Variants in PARP2 observed in about 807,000 individuals in gnomAD.
The protein encoded by PARP2 is poly(ADP-ribose) polymerase 2.
Under a neutral mutation model 77.8 loss-of-function variants are expected in PARP2, and 57 were observed. The ratio of observed to expected loss-of-function variants is 0.73; its 90% CI spans 0.59 to 0.91. PARP2 has a LOEUF of 0.91. Among genes scored for constraint, PARP2 ranks in the 40% least tolerant of loss-of-function variants. The pLI is 0.00. For missense variants in PARP2, 651 were observed against 689.0 expected, an observed-to-expected ratio of 0.94 and a Z score of 0.62; for synonymous variants, 226 against 242.6, an observed-to-expected ratio of 0.93 and a Z score of 0.64.
chr14:20,350,626 A>G lies in PARP2; in HGVS notation c.421+4A>G, dbSNP rs1365736616. The G allele has an allele frequency of 2.5e-6, 4 of 1,569,226 alleles. No individual in the cohort carries two copies. Among genetic ancestry groups the G allele is most frequent in the Non-Finnish European group, 2.6e-6 (3 of 1,139,490 alleles). On this transcript the variant is annotated splice_donor_region_variant and intron_variant, in intron 5 of 15. Coordinates refer to ENST00000429687, the MANE Select transcript of PARP2 (RefSeq NM_001042618.2). ...GTTTGGATGAGATGGGGCCGAGGTA[A>G]TGATTTTTATTGAGATTTTATGAGT...
chr14:20,355,997 T>C lies in PARP2; in HGVS notation c.1067T>C (p.Leu356Ser). The C allele has an allele frequency of 6.2e-7, 1 of 1,614,076 alleles. No individual in the cohort carries two copies. Among genetic ancestry groups the C allele is most frequent in the East Asian group, 2.2e-5 (1 of 44,888 alleles). ...CACTATAGAAACCTACATTGTGCCT[T>C]GCGCCCCCTTGACCATGAAAGTTAT... The part of the protein sequence containing the change: ...DQHYRNLHCA[L>S]RPLDHESYEF... Residue 356 changes from leucine to serine, a missense_variant, in exon 11 of 16, where the codon TTG (leucine) becomes TCG (serine). By Grantham distance (145) the Leu-to-Ser change is moderately radical (BLOSUM62 -2). Transcript: ENST00000429687.
intron 9 of PARP2, chr14:20,355,481 A>C (rs1299953186): frequency 3.8e-6 from 1 of 263,842 alleles, no homozygotes; most frequent in Non-Finnish European, 7.1e-6. Flanking sequence ...TATCAATATA[A>C]CTTATTTTTA....
chr14:20,345,571 C>A lies in PARP2; in HGVS notation c.273+107C>A. The A allele has an allele frequency of 5.2e-6, 4 of 764,302 alleles. No individual in the cohort carries two copies. The South Asian group carries it at 6.7e-5, about 13-fold the overall frequency. 47.3% of individuals were successfully genotyped at this position (764,302 alleles called of 1,614,324 possible). A position where few individuals can be genotyped will look rare whatever the true frequency, so the allele number is the denominator to read the frequency against. On this transcript the variant is annotated intron_variant, in intron 3 of 15. Transcript: ENST00000429687. ...TGTTAGTACTCATTTTAGGAATCCT[C>A]TCCAAAATATGATGAGTGAGTAGTT... is the stretch of plus-strand genomic sequence containing the variant.
In PARP2 at chr14:20,353,980, T is replaced by C. The variant is rs185867727; in HGVS notation, c.601-105T>C. 240 of 880,332 alleles carry C rather than the reference T, an allele frequency of 2.7e-4. 1 individual carries two copies. The African/African-American group carries it at 3.9e-3, about 14-fold the overall frequency. The allele number at this position is 880,332 out of a possible 1,614,324, so 54.5% of individuals were successfully genotyped here. On this transcript the variant is annotated intron_variant, in intron 7 of 15. Coordinates refer to ENST00000429687, the MANE Select transcript of PARP2 (RefSeq NM_001042618.2). ...TCTCATTATTCCCTAGACAGTGCAA[T>C]ATAAAAACTTTACAAAGCATTTACA...
intron 7 of PARP2, 139 bp from the exon 8 acceptor site, chr14:20,353,946 T>C: frequency 1.5e-6 from 1 of 666,296 alleles, no homozygotes; most frequent in Non-Finnish European, 2.5e-6. Context: ...CAGCCTTTTT[T>C]TCCTTGCTTC....
chr14:20,345,135 G>A, intron 2 of PARP2, 48 bp downstream of exon 2: 1 of 1,591,132 alleles, frequency 6.3e-7, no homozygotes, highest in South Asian at 1.1e-5. Context: ...TGGTAGGAGT[G>A]GATCTGGGGA....
intron 8 of PARP2, 187 bp from the exon 9 acceptor site, chr14:20,354,622 G>A (rs1457773928): frequency 5.1e-6 from 3 of 590,128 alleles, no homozygotes; most frequent in Non-Finnish European, 8.8e-6. Flanking sequence ...CCGGAGCCCA[G>A]GAGGTTGAAC....
At chr14:20,347,354 G>GTTTATATATATATATATA (rs1883771350) in intron 4 of PARP2, among the ~76,000 whole-genome samples, 4 of 43,956 alleles carry the variant, frequency 9.1e-5, no homozygotes, top group African/African-American at 1.8e-4. Flanking sequence ...ATATGTGTGT[G>GTTTATATATATATATATA]TGTATATATA....
rs1189741161 is a variant in PARP2 at position 20,357,108 on chromosome 14, G to C, written c.1387G>C (p.Ala463Pro). 6.2e-7 allele frequency: 1 copy of C among 1,613,230 alleles called. No homozygotes were observed. The highest frequency in any genetic ancestry group is 8.5e-7 in the Non-Finnish European group (1 of 1,179,204). ...TTCCAAGAGTGCCAATTACTGCTTT[G>C]CCTCTCGCCTAAAGAATACAGGACT... The part of the protein sequence containing the change: ...MSSKSANYCF[A>P]SRLKNTGLLL... Residue 463 changes from alanine (A) to proline (P), a missense_variant, in exon 14 of 16, where the codon GCC (alanine) becomes CCC (proline). Physicochemically the swap from Ala to Pro is conservative, Grantham distance 27. Transcript: ENST00000429687.
intron 2 of PARP2, 122 bp from the exon 3 acceptor site, chr14:20,345,272 A>C: frequency 1.9e-6 from 2 of 1,052,594 alleles, no homozygotes; most frequent in South Asian, 2.9e-5. Context: ...TTTGAGATGG[A>C]TTGGGGTCTA....
chr14:20,354,341 T>C, intron 8 of PARP2, 94 bp downstream of exon 8: 1 of 1,039,910 alleles, frequency 9.6e-7, no homozygotes, highest in Admixed American at 2.3e-5. Flanking sequence ...AGCTTGCTCA[T>C]AGTACTGAAT....
At chr14:20,348,009 G>A (rs900990674) in intron 4 of PARP2, among the ~76,000 whole-genome samples, 1 of 151,886 alleles carries the variant, frequency 6.6e-6, no homozygotes, top group Non-Finnish European at 1.5e-5. Flanking sequence ...GAGTAGCTCG[G>A]ACTTCAGGCG....
At chr14:20,353,476 A>G (rs1016202904) in intron 7 of PARP2, among the ~76,000 whole-genome samples, 1 of 150,970 alleles carries the variant, frequency 6.6e-6, no homozygotes, top group Non-Finnish European at 1.5e-5. Flanking sequence ...ATCTCCTGAC[A>G]TCATGATCCG....
At chr14:20,356,837 C>G in intron 13 of PARP2, 148 bp downstream of exon 13, 1 of 715,102 alleles carries the variant, frequency 1.4e-6, no homozygotes, top group Non-Finnish European at 2.4e-6. Flanking sequence ...TTACTGTGTC[C>G]CTCTTTCTTT....
chr14:20,357,338 T>C, intron 14 of PARP2, 58 bp from the exon 15 acceptor site: 1 of 1,562,864 alleles, frequency 6.4e-7, no homozygotes, highest in Non-Finnish European at 8.7e-7. Context: ...TCTGTTTGGC[T>C]TTGGAGCCAT....
chr14:20,356,682 G>A lies in PARP2; in HGVS notation c.1322G>A (p.Gly441Asp). 4 of 1,611,386 alleles carry A rather than the reference G, an allele frequency of 2.5e-6. No homozygotes were observed. In the Admixed American group the frequency reaches 6.7e-5, roughly 27 times the overall value. Reference sequence around the variant, plus strand: ...GCCCCACCTGAAGCTCCCATCACAGGTTACATGGTGAGTGAAATTGAACTC... The same window carrying A: ...GCCCCACCTGAAGCTCCCATCACAGATTACATGGTGAGTGAAATTGAACTC... ...RIAPPEAPIT[G>D]YMFGKGIYFA... The change falls in exon 13 of 16, where the codon GGT (glycine) becomes GAT (aspartate). Residue 441 changes from glycine (G) to aspartate (D), a missense_variant. Coordinates refer to ENST00000429687, the MANE Select transcript of PARP2 (RefSeq NM_001042618.2).
rs1485951029 is a variant in PARP2, at chr14:20,346,969, T to G, written c.324+56T>G. The stretch of plus-strand genomic sequence containing the variant: ...ATTTATGAGACCATCTTCTTGATAA[T>G]TATTGATGATAGCATCACAGTGTTC... On this transcript the variant is annotated intron_variant, in intron 4 of 15. Transcript: ENST00000429687. 6.5e-6 allele frequency: 7 copies of G among 1,077,300 alleles called. No homozygotes were observed. The East Asian group carries it at 1.6e-4, about 25-fold the overall frequency. 66.7% of individuals were successfully genotyped at this position (1,077,300 alleles called of 1,614,324 possible). A position where few individuals can be genotyped will look rare whatever the true frequency, so the allele number is the denominator to read the frequency against.
In PARP2 at chr14:20,354,106, G is replaced by A; in HGVS notation, c.622G>A (p.Glu208Lys). The change falls in exon 8 of 16, where the codon GAG (glutamate) becomes AAG (lysine). Residue 208 changes from glutamate (E) to lysine (K), a missense_variant. Glu to Lys is a moderately conservative substitution (Grantham distance 56, BLOSUM62 1). Coordinates refer to ENST00000429687, the MANE Select transcript of PARP2 (RefSeq NM_001042618.2). ...ATAGGATGAAGAGGAAACAAAGAAA[G>A]AGGAATCTCTTAAATCTCCCTTGAA... ...NTQDEEETKK[E>K]ESLKSPLKPE... is the part of the protein sequence containing the mutation. The A allele has an allele frequency of 1.2e-6, 2 of 1,613,170 alleles. No individual in the cohort carries two copies. Among genetic ancestry groups the A allele is most frequent in the Non-Finnish European group, 1.7e-6 (2 of 1,179,286 alleles).
chr14:20,347,375 TATATATATATATATATATA>T (rs1883786493), intron 4 of PARP2, among the ~76,000 whole-genome samples: 1 of 17,774 alleles, frequency 5.6e-5, no homozygotes, highest in Non-Finnish European at 1.2e-4. Context: ...TATATATATA[TATATATATATATATATATA>T]TATATTTTTT....
Sources: gnomAD v4.1 joint callset for allele counts (sites outside exome capture counted in the v4.1 genomes callset) on GRCh38, gnomAD v4.1.1 for gene constraint, MANE v1.5 for transcripts, NCBI Gene and HGNC (gene_info 2026-07-23, HGNC 2026-07-21) for gene names.